Variants in DLC1 observed in about 807,000 individuals in gnomAD.
The protein encoded by DLC1 is rho GTPase-activating protein 7.
DLC1 carries 54 observed loss-of-function variants against 140.3 expected under a neutral mutation model. The ratio of observed to expected loss-of-function variants is 0.38; its 90% CI spans 0.31 to 0.48. The LOEUF is 0.48. Among genes scored for constraint, DLC1 ranks in the 20% least tolerant of loss-of-function variants. DLC1 has a pLI of 0.96. For missense variants in DLC1, 2,536 were observed against 1,907.0 expected, an observed-to-expected ratio of 1.33 and a Z score of -6.14; for synonymous variants, 986 against 728.1, an observed-to-expected ratio of 1.35 and a Z score of -5.70.
rs11203495 is a variant in DLC1 at position 13,499,310 on chromosome 8, T to G, written c.762A>C (p.Gln254His). ...TGCAAGGAGTATCCAAGAACTCATT[T>G]TGTACTACATTGCAGGTGCTTCTTT... is the stretch of plus-strand genomic sequence containing the variant. ...ENERSTCNVV[Q>H]NEFLDTPCTN... The change falls in exon 2 of 18, where the codon CAA (glutamine) becomes CAC (histidine). Residue 254 changes from glutamine (Q) to histidine (H), a missense_variant. By Grantham distance (24) the Gln-to-His change is conservative (BLOSUM62 0). Transcript: ENST00000276297. 0.9 allele frequency: 1,458,754 copies of G among 1,613,842 alleles called. 664,991 individuals are homozygous for G. The highest frequency in any genetic ancestry group is 0.94 in the Non-Finnish European group (1,107,956 of 1,179,950).
At chr8:13,552,909 GCTT>G (rs557334122) in intron 1 of DLC1, among the ~76,000 whole-genome samples, 428 of 151,726 alleles carry the variant, frequency 2.8e-3, no homozygotes, top group Non-Finnish European at 5.2e-3. Flanking sequence ...TCACAATGAA[GCTT>G]CTTATTTGGT....
At chr8:13,107,906 C>T (rs1225343664) in intron 7 of DLC1, among the ~76,000 whole-genome samples, 4 of 151,950 alleles carry the variant, frequency 2.6e-5, no homozygotes, top group South Asian at 2.1e-4. Flanking sequence ...ATTAGCTGGG[C>T]GTGGTGGTGG....
intron 5 of DLC1, among the ~76,000 whole-genome samples, chr8:13,251,377 T>C (rs1223068170): frequency 6.6e-6 from 1 of 152,228 alleles, no homozygotes; most frequent in Non-Finnish European, 1.5e-5. Flanking sequence ...CTGCTGATTA[T>C]TGGCAATTTC....
intron 2 of DLC1, among the ~76,000 whole-genome samples, chr8:13,433,747 A>T (rs181643598): frequency 2.2e-4 from 34 of 152,352 alleles, no homozygotes; most frequent in Admixed American, 2.2e-3. Flanking sequence ...TTGGGAACAC[A>T]TACTGAAAAA....
intron 5 of DLC1, among the ~76,000 whole-genome samples, chr8:13,295,851 A>G (rs1405066715): frequency 6.6e-6 from 1 of 150,930 alleles, no homozygotes; most frequent in African/African-American, 2.4e-5. Context: ...TATTCACATT[A>G]TTAATAAAAT....
At chr8:13,554,389 C>G (rs2117365121) in intron 1 of DLC1, among the ~76,000 whole-genome samples, 1 of 152,198 alleles carries the variant, frequency 6.6e-6, no homozygotes, top group Non-Finnish European at 1.5e-5. Context: ...TTTCAAACTC[C>G]TATAGTGCCT....
At chr8:13,596,901 T>G (rs920999480) in intron 1 of DLC1, among the ~76,000 whole-genome samples, 9 of 152,020 alleles carry the variant, frequency 5.9e-5, no homozygotes, top group African/African-American at 1.7e-4. Flanking sequence ...TTCTATATTA[T>G]TAAATGCCTG....
intron 5 of DLC1, among the ~76,000 whole-genome samples, chr8:13,302,366 A>G (rs796944086): frequency 2.6e-5 from 4 of 152,300 alleles, no homozygotes; most frequent in African/African-American, 9.6e-5. Context: ...GTATTTGTGA[A>G]ATGACTGAAT....
At chr8:13,429,790 A>G (rs1262347617) in intron 2 of DLC1, among the ~76,000 whole-genome samples, 5 of 152,344 alleles carry the variant, frequency 3.3e-5, no homozygotes, top group African/African-American at 1.2e-4. Flanking sequence ...TCAGCTACGT[A>G]TAACTTAAAG....
At chr8:13,182,287 T>C (rs28825968) in intron 5 of DLC1, among the ~76,000 whole-genome samples, 43,519 of 151,914 alleles carry the variant, frequency 0.29, 6,792 homozygotes, top group African/African-American at 0.4. Context: ...TCACTCTGAT[T>C]GTAGTTTCTT....
Position 13,376,914 on chromosome 8 carries a change from G to A in DLC1, c.1314+16639C>T, listed in dbSNP as rs535551969. ...CTGTGGCTGATTTCATGGCTATATGGTATAGATTATATGTGTCAGCAGATT... is the reference window on the plus strand; with the variant it reads ...CTGTGGCTGATTTCATGGCTATATGATATAGATTATATGTGTCAGCAGATT... On this transcript the variant is annotated intron_variant, in intron 4 of 17. Transcript: ENST00000276297. Among the ~76,000 whole-genome samples, 4 of 152,176 alleles carry A rather than the reference G, an allele frequency of 2.6e-5. No individual in the cohort carries two copies. The East Asian group carries it at 5.8e-4, about 22-fold the overall frequency.
chr8:13,436,104 A>G (rs535504654), intron 2 of DLC1, among the ~76,000 whole-genome samples: 3 of 152,360 alleles, frequency 2.0e-5, no homozygotes, highest in African/African-American at 7.2e-5. Flanking sequence ...TAACTTTTAT[A>G]TGCACTGGGA....
intron 4 of DLC1, among the ~76,000 whole-genome samples, chr8:13,382,992 G>C (rs1038240744): frequency 1.3e-5 from 2 of 152,172 alleles, no homozygotes; most frequent in African/African-American, 4.8e-5. Flanking sequence ...GATCATATGA[G>C]CAGAAACACC....
intron 4 of DLC1, among the ~76,000 whole-genome samples, chr8:13,317,680 C>G (rs1379844146): frequency 4.6e-5 from 7 of 151,822 alleles, no homozygotes; most frequent in Admixed American, 4.6e-4. Context: ...ATTAAAGGCA[C>G]TGGGAGGTGA....
chr8:13,203,317 A>G (rs1046421268), intron 5 of DLC1, among the ~76,000 whole-genome samples: 5 of 152,168 alleles, frequency 3.3e-5, no homozygotes, highest in African/African-American at 1.2e-4. Flanking sequence ...CTTTTTTCAA[A>G]CAATACCTGG....
At chr8:13,377,387 A>G (rs2117143585) in intron 4 of DLC1, among the ~76,000 whole-genome samples, 1 of 152,340 alleles carries the variant, frequency 6.6e-6, no homozygotes, top group Admixed American at 6.5e-5. Context: ...ATTCTGTGAC[A>G]AGAAGAAATT....
At chr8:13,545,736 A>G (rs1208706321) in intron 1 of DLC1, among the ~76,000 whole-genome samples, 1 of 152,086 alleles carries the variant, frequency 6.6e-6, no homozygotes, top group Non-Finnish European at 1.5e-5. Context: ...GCTAAGATAA[A>G]TGACATAGTT....
Position 13,177,505 on chromosome 8 carries a change from A to G in DLC1, c.1349-61848T>C, listed in dbSNP as rs1174940526. On this transcript the variant is annotated intron_variant, in intron 5 of 17. Transcript: ENST00000276297. ...GAATTTCACAAGTGCATAGTCTTCA[A>G]TCTTACTTCCCTCACATTCCTGCGT... Among the ~76,000 whole-genome samples, 4 of 152,204 alleles carry G rather than the reference A, an allele frequency of 2.6e-5. No homozygotes were observed. The East Asian group carries it at 5.8e-4, about 22-fold the overall frequency.
At chr8:13,323,454 A>G (rs74767877) in intron 4 of DLC1, among the ~76,000 whole-genome samples, 8,556 of 152,296 alleles carry the variant, frequency 0.056, 290 homozygotes, top group Middle Eastern at 0.12. Flanking sequence ...CAAAATGGAA[A>G]TAGGCAGAAA....
Sources: gnomAD v4.1 joint callset for allele counts (sites outside exome capture counted in the v4.1 genomes callset) on GRCh38, gnomAD v4.1.1 for gene constraint, MANE v1.5 for transcripts, NCBI Gene and HGNC (gene_info 2026-07-23, HGNC 2026-07-21) for gene names.